The following MGAM2 variants were observed in gnomAD, a reference collection of about 807,000 sequenced individuals.
MGAM2 encodes the protein maltase-glucoamylase 2 (putative).
MGAM2 carries 98 observed loss-of-function variants against 96.1 expected under a neutral mutation model. The observed-to-expected ratio is 1.02, with a 90% confidence interval of 0.87 to 1.21. The LOEUF (loss-of-function observed/expected upper bound fraction) is 1.21. Ranked by LOEUF, MGAM2 falls within the 50% of genes most tolerant of loss-of-function variation. The pLI, the probability that MGAM2 is intolerant of heterozygous loss-of-function variation, is 0.00. For missense variants in MGAM2, 2,055 were observed against 1,182.4 expected (o/e 1.74, Z -10.82); for synonymous variants, 749 against 414.8 (o/e 1.81, Z -9.79).
At chr7:142,198,347 G>GAGCATAGACGAAATCTA (rs1797115201) in intron 43 of MGAM2, among the ~76,000 whole-genome samples, 152 bp downstream of exon 43, 1 of 152,126 alleles carries the variant, frequency 6.6e-6, no homozygotes, top group Non-Finnish European at 1.5e-5. Context: ...GCATGTATAA[G>GAGCATAGACGAAATCTA]AGCATAGACG....
At chr7:142,188,301 T>C (rs1430632918) in intron 36 of MGAM2, among the ~76,000 whole-genome samples, 2 of 152,046 alleles carry the variant, frequency 1.3e-5, no homozygotes, top group Non-Finnish European at 2.9e-5. Context: ...TCTCAGAAAG[T>C]TGAATCTTCT....
chr7:142,175,837 A>G, intron 32 of MGAM2, 57 bp downstream of exon 32: 1 of 684,632 alleles, frequency 1.5e-6, no homozygotes, highest in African/African-American at 1.8e-5. Flanking sequence ...TGGTTCAAAA[A>G]TAGCACCATT....
intron 15 of MGAM2, among the ~76,000 whole-genome samples, chr7:142,150,418 A>G (rs76838190): frequency 0.019 from 2,905 of 152,050 alleles, 45 homozygotes; most frequent in East Asian, 0.077. Flanking sequence ...TTCCCCCCTT[A>G]ATACTTCTTA....
At chr7:142,217,421 C>T (rs1158946939) in intron 46 of MGAM2, among the ~76,000 whole-genome samples, 1 of 152,120 alleles carries the variant, frequency 6.6e-6, no homozygotes, top group African/African-American at 2.4e-5. Context: ...GCCTCAGTTT[C>T]CTTATCTCTA....
intron 3 of MGAM2, among the ~76,000 whole-genome samples, chr7:142,129,191 T>A (rs2129076547): frequency 6.6e-6 from 1 of 152,322 alleles, no homozygotes; most frequent in South Asian, 2.1e-4. Flanking sequence ...AGCCCCTTCA[T>A]TTTGACCAAT....
intron 37 of MGAM2, among the ~76,000 whole-genome samples, chr7:142,193,803 G>T (rs761978995): frequency 6.6e-6 from 1 of 151,814 alleles, no homozygotes; most frequent in African/African-American, 2.4e-5. Context: ...ACACCATGTA[G>T]CTTTTCCCTT....
intron 19 of MGAM2, among the ~76,000 whole-genome samples, chr7:142,158,546 T>C (rs1346977398): frequency 6.6e-6 from 1 of 152,192 alleles, no homozygotes; most frequent in East Asian, 1.9e-4. Flanking sequence ...AAAATTGCCT[T>C]AAAATTAAAG....
At chr7:142,196,041 G>A (rs1797022832) in intron 37 of MGAM2, 113 bp from the exon 38 acceptor site, 1 of 672,596 alleles carries the variant, frequency 1.5e-6, no homozygotes, top group Non-Finnish European at 2.7e-6. Context: ...TTTCAGGGAA[G>A]AAGTTATCTG....
intron 18 of MGAM2, 29 bp from the exon 19 acceptor site, chr7:142,158,219 C>T (rs1198283914): frequency 4.3e-6 from 3 of 702,740 alleles, no homozygotes; most frequent in Middle Eastern, 2.3e-4. Flanking sequence ...GAGACTTCAC[C>T]TGCCTTCACT....
chr7:142,206,351 T>C (rs534165127), intron 45 of MGAM2, among the ~76,000 whole-genome samples: 52 of 152,284 alleles, frequency 3.4e-4, no homozygotes, highest in African/African-American at 1.3e-3. Flanking sequence ...ATTATACATG[T>C]TTAGCAGCAT....
chr7:142,219,532 T>A (rs2961054), intron 47 of MGAM2, among the ~76,000 whole-genome samples: 3 of 152,056 alleles, frequency 2.0e-5, no homozygotes, highest in African/African-American at 7.2e-5. Context: ...AACATGAAAC[T>A]AACCTGCTGT....
intron 29 of MGAM2, 88 bp downstream of exon 29, chr7:142,172,282 CA>C (rs1164851930): frequency 2.9e-5 from 17 of 589,126 alleles, no homozygotes; most frequent in African/African-American, 7.4e-5. Context: ...TAGAGACATT[CA>C]GGGGGCAAGG....
At chr7:142,172,388 T>G (rs966464192) in intron 29 of MGAM2, among the ~76,000 whole-genome samples, 194 bp downstream of exon 29, 2 of 152,078 alleles carry the variant, frequency 1.3e-5, no homozygotes, top group African/African-American at 4.8e-5. Flanking sequence ...GGAATTTTGA[T>G]CAGTTATGGC....
At chr7:142,174,547 T>C (rs1347946365) in intron 31 of MGAM2, among the ~76,000 whole-genome samples, 1 of 152,014 alleles carries the variant, frequency 6.6e-6, no homozygotes, top group Non-Finnish European at 1.5e-5. Context: ...CTGAAGTTGC[T>C]TATCAGGTTA....
Position 142,162,157 on chromosome 7 carries a change from T to C in MGAM2, c.2484+153T>C, listed in dbSNP as rs186625986. On this transcript the variant is annotated intron_variant, in intron 23 of 47. Transcript: ENST00000477922. ...AGGAATCAAATGAACATGAAAGTGT[T>C]TAATGTGTGTCAGGCTTATAAGCTG... Among the ~76,000 whole-genome samples the C allele has an allele frequency of 7.2e-5, 11 of 152,174 alleles. No homozygotes were observed. In the East Asian group the frequency reaches 2.1e-3, roughly 29 times the overall value.
intron 45 of MGAM2, 149 bp from the exon 46 acceptor site, chr7:142,208,424 T>A: frequency 4.6e-6 from 3 of 656,652 alleles, no homozygotes; most frequent in Middle Eastern, 2.4e-4. Flanking sequence ...AATAGTCTCT[T>A]AGCCACTCTC....
At chr7:142,123,227 T>A (rs1275106821) in intron 3 of MGAM2, among the ~76,000 whole-genome samples, 1 of 152,016 alleles carries the variant, frequency 6.6e-6, no homozygotes, top group Non-Finnish European at 1.5e-5. Flanking sequence ...AGTTTTCATC[T>A]AGAGATTTTT....
intron 36 of MGAM2, 51 bp downstream of exon 36, chr7:142,187,885 A>C: frequency 1.5e-6 from 1 of 686,464 alleles, no homozygotes; most frequent in Non-Finnish European, 2.7e-6. Context: ...AAAGACTCCA[A>C]AAGTTTTCCT....
chr7:142,170,167 T>C lies in MGAM2; in HGVS notation c.3120T>C (p.Asp1040=), dbSNP rs376539477. 1 of 702,824 alleles carries C rather than the reference T, an allele frequency of 1.4e-6. No homozygotes were observed. Among genetic ancestry groups the C allele is most frequent in the South Asian group, 1.5e-5 (1 of 67,582 alleles). The allele number at this position is 702,824 out of a possible 1,614,324, so 43.5% of individuals were successfully genotyped here. A position where few individuals can be genotyped will look rare whatever the true frequency, so the allele number is the denominator to read the frequency against. ...GTGACCCTGAAAACCGTCTGTATGATGTCAGGATTCAGAACAATCCTTTTG... is the reference window on the plus strand; with the variant it reads ...GTGACCCTGAAAACCGTCTGTATGACGTCAGGATTCAGAACAATCCTTTTG... The part of the protein sequence containing the change: ...PVGDPENRLY[D]VRIQNNPFGI... The change falls in exon 27 of 48, where the codon GAT becomes GAC. Residue 1040 remains aspartate, a synonymous_variant. Transcript: ENST00000477922.
Sources: gnomAD v4.1 joint callset for allele counts (sites outside exome capture counted in the v4.1 genomes callset) on GRCh38, gnomAD v4.1.1 for gene constraint, MANE v1.5 for transcripts, NCBI Gene and HGNC (gene_info 2026-07-23, HGNC 2026-07-21) for gene names.